Variants in CPXCR1 observed in about 807,000 individuals in gnomAD.
The protein encoded by CPXCR1 is CPX chromosome region candidate 1.
CPXCR1 carries 15 observed loss-of-function variants against 13.8 expected under a neutral mutation model. The observed-to-expected ratio is 1.09, with a 90% confidence interval of 0.73 to 1.67. The LOEUF (loss-of-function observed/expected upper bound fraction) is 1.67, where lower values mean the gene tolerates loss of function less well. Ranked by LOEUF, CPXCR1 falls within the 40% of genes most tolerant of loss-of-function variation. The pLI is 0.00. For missense variants in CPXCR1, 247 were observed against 223.6 expected, an observed-to-expected ratio of 1.10 and a Z score of -0.67; for synonymous variants, 70 against 76.7, an observed-to-expected ratio of 0.91 and a Z score of 0.46.
Position 88,754,228 on chromosome X carries a change from A to C in CPXCR1, c.814A>C (p.Asn272His). 8.4e-7 allele frequency: 1 copy of C among 1,186,034 alleles called. No individual in the cohort carries two copies. Among genetic ancestry groups the C allele is most frequent in the Admixed American group, 2.2e-5 (1 of 45,281 alleles). The change falls in exon 3 of 3, where the codon AAT becomes CAT. Residue 272 changes from asparagine to histidine, a missense_variant. Physicochemically the swap from Asn to His is moderately conservative, Grantham distance 68. Coordinates refer to ENST00000276127, the MANE Select transcript of CPXCR1 (RefSeq NM_033048.6). ...GAATGTTATGATCACAAACACCAAT[A>C]ATGGTTGGAAATACTTTTGTCCCAT... ...TMNVMITNTN[N>H]GWKYFCPICG...
chrX:88,754,340 A>G lies in CPXCR1; in HGVS notation c.*20A>G. ...AATTAAATTAAATTGGGGTAAATTCATTTTAAAATATAACTTCTAAAATTC... is the reference window on the plus strand; with the variant it reads ...AATTAAATTAAATTGGGGTAAATTCGTTTTAAAATATAACTTCTAAAATTC... On this transcript the variant is annotated 3_prime_UTR_variant, in exon 3 of 3. Transcript: ENST00000276127. The G allele has an allele frequency of 1.0e-6, 1 of 983,523 alleles. No individual in the cohort carries two copies. Among genetic ancestry groups the G allele is most frequent in the Non-Finnish European group, 1.4e-6 (1 of 729,042 alleles). The allele number at this position is 983,523 out of a possible 1,213,427, so 81.1% of individuals were successfully genotyped here.
chrX:88,751,883 T>C (rs1476523779), intron 2 of CPXCR1, among the ~76,000 whole-genome samples: 2 of 111,381 alleles, frequency 1.8e-5, no homozygotes, highest in Non-Finnish European at 3.8e-5. Flanking sequence ...AAGACTGCAG[T>C]TATGAGATAA....
intron 2 of CPXCR1, 116 bp from the exon 3 acceptor site, chrX:88,753,291 G>A (rs147340942): frequency 1.3e-3 from 488 of 377,903 alleles, no homozygotes; most frequent in African/African-American, 0.011. Flanking sequence ...TTATAGTTGC[G>A]AGAAGGCACA....
rs777484762 is a variant in CPXCR1, at chrX:88,753,530, A to G, written c.116A>G (p.Asn39Ser). Residue 39 changes from asparagine to serine, a missense_variant, in exon 3 of 3, where the codon AAT (asparagine) becomes AGT (serine). Transcript: ENST00000276127. ...ATAGAGTCTCCATCTGCTGATCCCA[A>G]TATGATCTATCAGGTAGAAACCAAC... ...TDIESPSADP[N>S]MIYQVETNPI... is the part of the protein sequence containing the mutation. 5.0e-6 allele frequency: 6 copies of G among 1,208,256 alleles called. No individual in the cohort carries two copies. The highest frequency in any genetic ancestry group is 4.4e-5 in the Admixed American group (2 of 45,670).
intron 2 of CPXCR1, among the ~76,000 whole-genome samples, chrX:88,751,013 C>CA (rs1924902310): frequency 9.9e-6 from 1 of 101,390 alleles, no homozygotes; most frequent in East Asian, 3.2e-4. Flanking sequence ...TTGATCTTTT[C>CA]AAAAAAACAG....
chrX:88,749,160 A>G lies in CPXCR1; in HGVS notation c.-114-158A>G, dbSNP rs1206075002. On this transcript the variant is annotated intron_variant, in intron 1 of 2. Coordinates refer to ENST00000276127, the MANE Select transcript of CPXCR1 (RefSeq NM_033048.6). ...TATTTCTTATATACAAACCTATTTC[A>G]GAATGTAGAAGGGAACAATGAATCT... Among the ~76,000 whole-genome samples, 4 of 95,372 alleles carry G rather than the reference A, an allele frequency of 4.2e-5. No homozygotes were observed. The East Asian group carries it at 1.4e-3, about 33-fold the overall frequency. 82.8% of individuals were successfully genotyped at this position (95,372 alleles called of 115,157 possible). A position where few individuals can be genotyped will look rare whatever the true frequency, so the allele number is the denominator to read the frequency against.
intron 1 of CPXCR1, among the ~76,000 whole-genome samples, chrX:88,748,795 TTG>T (rs748485686): frequency 0.061 from 6,107 of 99,433 alleles, 205 homozygotes; most frequent in Non-Finnish European, 0.097. Flanking sequence ...GATATTTCTT[TTG>T]TGTGTGTGTG....
chrX:88,748,095 A>G (rs1217963572), intron 1 of CPXCR1, among the ~76,000 whole-genome samples: 2 of 111,177 alleles, frequency 1.8e-5, no homozygotes, highest in African/African-American at 6.5e-5. Flanking sequence ...ATAAAGTGTA[A>G]TATTGTGCTT....
At chrX:88,748,483 A>G (rs1013024537) in intron 1 of CPXCR1, among the ~76,000 whole-genome samples, 2 of 110,593 alleles carry the variant, frequency 1.8e-5, no homozygotes, top group Non-Finnish European at 3.8e-5. Flanking sequence ...ATTTAAAAAA[A>G]AAGATTAAAT....
chrX:88,748,716 C>A (rs1361763876), intron 1 of CPXCR1, among the ~76,000 whole-genome samples: 2 of 109,652 alleles, frequency 1.8e-5, no homozygotes, highest in Non-Finnish European at 3.8e-5. Flanking sequence ...ATTGAAAAAC[C>A]AGTCTTAACA....
intron 2 of CPXCR1, among the ~76,000 whole-genome samples, chrX:88,751,252 A>G (rs1365352434): frequency 9.0e-6 from 1 of 111,609 alleles, no homozygotes; most frequent in Non-Finnish European, 1.9e-5. Context: ...TGTGTCCCAG[A>G]GATTCTGGTT....
At chrX:88,748,776 T>C (rs887924225) in intron 1 of CPXCR1, among the ~76,000 whole-genome samples, 2 of 109,217 alleles carry the variant, frequency 1.8e-5, no homozygotes, top group African/African-American at 6.6e-5. Flanking sequence ...ATATTCACAA[T>C]GAACACTGGA....
At chrX:88,751,556 G>A (rs958812229) in intron 2 of CPXCR1, among the ~76,000 whole-genome samples, 1 of 111,360 alleles carries the variant, frequency 9.0e-6, no homozygotes, top group East Asian at 2.8e-4. Flanking sequence ...GATTTGGGGT[G>A]GAGAGCTCTG....
At chrX:88,747,525 A>C (rs960966420) in intron 1 of CPXCR1, among the ~76,000 whole-genome samples, 156 bp downstream of exon 1, 10 of 112,299 alleles carry the variant, frequency 8.9e-5, no homozygotes, top group Non-Finnish European at 1.9e-4. Flanking sequence ...CATATGTTTG[A>C]TATGAACATA....
intron 2 of CPXCR1, among the ~76,000 whole-genome samples, chrX:88,751,852 T>C (rs1413572350): frequency 9.0e-6 from 1 of 110,729 alleles, no homozygotes. Flanking sequence ...GGAGATGGAG[T>C]CAGATTGTGG....
Position 88,753,983 on chromosome X carries a change from A to G in CPXCR1, c.569A>G (p.His190Arg). ...CLYHPNSFTH[H>R]ERAITFRRPS... ...TACCATCCAAATAGTTTCACCCATC[A>G]CGAGAGAGCCATAACATTTAGAAGG... Residue 190 changes from histidine to arginine, a missense_variant, in exon 3 of 3, where the codon CAC becomes CGC. His to Arg is a conservative substitution (Grantham distance 29). Transcript: ENST00000276127. The G allele has an allele frequency of 8.3e-7, 1 of 1,209,657 alleles. No individual in the cohort carries two copies. The highest frequency in any genetic ancestry group is 1.1e-6 in the Non-Finnish European group (1 of 894,054).
chrX:88,750,890 G>A (rs893086806), intron 2 of CPXCR1, among the ~76,000 whole-genome samples: 12 of 111,934 alleles, frequency 1.1e-4, no homozygotes, highest in Non-Finnish European at 2.3e-4. Context: ...TCTGGTAGTA[G>A]TTTGTATTTC....
chrX:88,754,076 C>A lies in CPXCR1; in HGVS notation c.662C>A (p.Thr221Asn), dbSNP rs773230728. The change falls in exon 3 of 3, where the codon ACT becomes AAT. Residue 221 changes from threonine (T) to asparagine (N), a missense_variant. Physicochemically the swap from Thr to Asn is moderately conservative, Grantham distance 65 (BLOSUM62 0). Transcript: ENST00000276127. ...RMTSGKFCKS[T>N]DTKGKCRFRA... ...ACATCAGGAAAATTTTGCAAATCAACTGACACTAAAGGGAAATGTAGATTC... is the reference window on the plus strand; with the variant it reads ...ACATCAGGAAAATTTTGCAAATCAAATGACACTAAAGGGAAATGTAGATTC... The A allele has an allele frequency of 5.0e-6, 6 of 1,210,094 alleles. No individual in the cohort carries two copies. Among genetic ancestry groups the A allele is most frequent in the Non-Finnish European group, 5.6e-6 (5 of 894,292 alleles).
rs181123738 is a variant in CPXCR1 at position 88,748,014 on chromosome X, T to A, written c.-115+645T>A. 4.2e-3 allele frequency among the ~76,000 whole-genome samples: 467 copies of A among 111,682 alleles called. 4 individuals are homozygous for A. The highest frequency in any genetic ancestry group is 0.014 in the African/African-American group (443 of 30,839). On this transcript the variant is annotated intron_variant, in intron 1 of 2. Transcript: ENST00000276127. ...TTAAAACTCCATATGTATCTTTTGA[T>A]TCTCAACAGGTCATTATGTAAAAAT... is the stretch of plus-strand genomic sequence containing the variant.
Sources: gnomAD v4.1 joint callset for allele counts (sites outside exome capture counted in the v4.1 genomes callset) on GRCh38, gnomAD v4.1.1 for gene constraint, MANE v1.5 for transcripts, NCBI Gene and HGNC (gene_info 2026-07-23, HGNC 2026-07-21) for gene names.